NEK10: variants seen among roughly 807,000 people sequenced by gnomAD.
NEK10 encodes serine/threonine-protein kinase Nek10.
A neutral mutation model predicts 159.8 loss-of-function variants in NEK10; 122 were observed. That is an observed-to-expected ratio of 0.76 (90% CI 0.66 to 0.89). NEK10 has a LOEUF of 0.89. Ranked by LOEUF, NEK10 falls within the 40% of genes least tolerant of loss-of-function variation. The pLI is 0.00. For missense variants in NEK10, 1,342 were observed against 1,323.1 expected (o/e 1.01, Z -0.22); for synonymous variants, 466 against 457.1 (o/e 1.02, Z -0.25).
At chr3:27,353,768 C>A (rs1206272437) in intron 1 of NEK10, among the ~76,000 whole-genome samples, 1 of 152,030 alleles carries the variant, frequency 6.6e-6, no homozygotes, top group East Asian at 1.9e-4. Flanking sequence ...CTGAAAACTG[C>A]TAAAAGGTTA....
intron 22 of NEK10, among the ~76,000 whole-genome samples, chr3:27,270,721 C>T (rs1406368960): frequency 6.6e-6 from 1 of 152,006 alleles, no homozygotes; most frequent in African/African-American, 2.4e-5. Context: ...TCTAAAGTTG[C>T]CATCACGAGT....
Position 27,306,920 on chromosome 3 carries a change from T to G in NEK10, c.803+939A>C, listed in dbSNP as rs896258792. Among the ~76,000 whole-genome samples the G allele has an allele frequency of 9.2e-5, 14 of 152,272 alleles. No homozygotes were observed. The East Asian group carries it at 2.7e-3, about 29-fold the overall frequency. On this transcript the variant is annotated intron_variant, in intron 11 of 35. Transcript: ENST00000691995. ...CCTCCATGTCCAAGCACATACTGTT[T>G]TTATGTTGTCTCTCTCTCTCTGCCT...
chr3:27,176,436 A>G (rs185866704), intron 26 of NEK10, among the ~76,000 whole-genome samples: 1 of 152,314 alleles, frequency 6.6e-6, no homozygotes, highest in Admixed American at 6.5e-5. Context: ...CTGGCAAAAG[A>G]TATATGCTAC....
chr3:27,293,001 T>C (rs2043108890), intron 16 of NEK10, among the ~76,000 whole-genome samples: 1 of 152,182 alleles, frequency 6.6e-6, no homozygotes. Flanking sequence ...CCTATGATTT[T>C]GGCTAACCCA....
intron 5 of NEK10, 83 bp from the exon 6 acceptor site, chr3:27,322,344 A>G (rs2045703124): frequency 6.1e-6 from 5 of 815,204 alleles, no homozygotes; most frequent in Non-Finnish European, 1.0e-5. Flanking sequence ...ATGAAGGAGT[A>G]TAAAGAACGC....
At chr3:27,259,045 C>T (rs1358230878) in intron 22 of NEK10, among the ~76,000 whole-genome samples, 6 of 151,130 alleles carry the variant, frequency 4.0e-5, no homozygotes, top group Non-Finnish European at 7.4e-5. Flanking sequence ...TTATATCCTT[C>T]ACCCACTTGT....
At chr3:27,152,764 A>T (rs1945009555) in intron 30 of NEK10, among the ~76,000 whole-genome samples, 1 of 152,248 alleles carries the variant, frequency 6.6e-6, no homozygotes, top group Non-Finnish European at 1.5e-5. Context: ...TGTCTTCAGG[A>T]GATTCACCTA....
intron 5 of NEK10, among the ~76,000 whole-genome samples, chr3:27,323,251 C>G (rs1256056691): frequency 1.3e-5 from 2 of 152,074 alleles, no homozygotes; most frequent in African/African-American, 2.4e-5. Context: ...CAGAGTTGTC[C>G]CATACTGAGG....
intron 25 of NEK10, among the ~76,000 whole-genome samples, chr3:27,198,842 C>A (rs757963075): frequency 1.5e-4 from 23 of 151,882 alleles, no homozygotes; most frequent in Non-Finnish European, 2.8e-4. Context: ...GAGGCCGAGG[C>A]GTGTAGATCA....
At chr3:27,285,529 AAAAC>A (rs1331055072) in intron 20 of NEK10, among the ~76,000 whole-genome samples, 44 of 151,312 alleles carry the variant, frequency 2.9e-4, no homozygotes, top group Admixed American at 1.2e-3. Context: ...CAAAAAAAAA[AAAAC>A]AAACAAACAA....
chr3:27,134,797 C>T (rs960486600), intron 31 of NEK10, among the ~76,000 whole-genome samples: 2 of 152,030 alleles, frequency 1.3e-5, no homozygotes, highest in African/African-American at 4.8e-5. Flanking sequence ...AAATTTTACA[C>T]AAAATGATGA....
intron 20 of NEK10, among the ~76,000 whole-genome samples, 195 bp from the exon 21 acceptor site, chr3:27,285,156 G>T (rs957985732): frequency 6.6e-6 from 1 of 152,100 alleles, no homozygotes; most frequent in East Asian, 1.9e-4. Context: ...GGAAACTGGG[G>T]CCCAGCCACA....
At chr3:27,368,439 C>T (rs1248339567) in intron 1 of NEK10, among the ~76,000 whole-genome samples, 1 of 151,748 alleles carries the variant, frequency 6.6e-6, no homozygotes, top group African/African-American at 2.4e-5. Flanking sequence ...TTTAACCAAC[C>T]GATGGTGGAA....
chr3:27,225,463 CTT>C (rs1952543578), intron 23 of NEK10, among the ~76,000 whole-genome samples: 1 of 152,230 alleles, frequency 6.6e-6, no homozygotes, highest in Non-Finnish European at 1.5e-5. Flanking sequence ...AATGTCCCCT[CTT>C]TTCTTTAATC....
chr3:27,115,222 G>A (rs943273950), intron 35 of NEK10, among the ~76,000 whole-genome samples: 14 of 152,132 alleles, frequency 9.2e-5, no homozygotes, highest in African/African-American at 3.4e-4. Context: ...TTTCCCCAGT[G>A]GGATCAGGCT....
At chr3:27,272,949 T>C (rs1473478744) in intron 22 of NEK10, among the ~76,000 whole-genome samples, 1 of 152,188 alleles carries the variant, frequency 6.6e-6, no homozygotes, top group Non-Finnish European at 1.5e-5. Flanking sequence ...CTTCCTAACC[T>C]TCCCCCATAT....
chr3:27,163,452 C>T (rs1333001760), intron 29 of NEK10, among the ~76,000 whole-genome samples: 4 of 151,950 alleles, frequency 2.6e-5, no homozygotes, highest in East Asian at 3.9e-4. Flanking sequence ...CCCAGGTTCA[C>T]GCCATTCTCC....
At chr3:27,279,813 C>T (rs1173557416) in intron 22 of NEK10, among the ~76,000 whole-genome samples, 1 of 152,156 alleles carries the variant, frequency 6.6e-6, no homozygotes, top group Non-Finnish European at 1.5e-5. Context: ...TGCCACCAAC[C>T]TGTGCTGCTT....
chr3:27,162,998 C>G (rs1946157120), intron 29 of NEK10, among the ~76,000 whole-genome samples: 1 of 151,926 alleles, frequency 6.6e-6, no homozygotes, highest in South Asian at 2.1e-4. Context: ...TTTTAGGATC[C>G]TGAATAATTT....
Sources: allele counts gnomAD v4.1 joint callset (sites outside exome capture counted in the v4.1 genomes callset), GRCh38; gene constraint gnomAD v4.1.1; transcripts MANE v1.5; gene names NCBI Gene and HGNC (gene_info 2026-07-23, HGNC 2026-07-21).